SNTG2: variants seen among roughly 807,000 people sequenced by gnomAD.
SNTG2 encodes the protein gamma-2-syntrophin.
SNTG2 carries 74 observed loss-of-function variants against 70.9 expected under a neutral mutation model. That is an observed-to-expected ratio of 1.04 (90% CI 0.86 to 1.27). The LOEUF is 1.27. Ranked by LOEUF, SNTG2 falls within the 50% of genes most tolerant of loss-of-function variation. The pLI is 0.00. For missense variants in SNTG2, 717 were observed against 690.7 expected (o/e 1.04, Z -0.43); for synonymous variants, 278 against 273.8 (o/e 1.02, Z -0.15).
chr2:1,128,897 A>C (rs1667861771), intron 4 of SNTG2, among the ~76,000 whole-genome samples: 1 of 152,112 alleles, frequency 6.6e-6, no homozygotes. Context: ...TTTAAAAATG[A>C]AATCTGCATT....
chr2:1,045,050 AAT>A (rs1661654925), intron 1 of SNTG2, among the ~76,000 whole-genome samples: 1 of 151,758 alleles, frequency 6.6e-6, no homozygotes, highest in Admixed American at 6.6e-5. Context: ...GTTAATTATT[AAT>A]AAGAATTCAA....
intron 12 of SNTG2, chr2:1,256,313 CA>C (rs1304386281): frequency 6.6e-6 from 1 of 152,090 alleles, no homozygotes; most frequent in African/African-American, 2.4e-5. Context: ...GACACACACG[CA>C]CACACATTTG....
chr2:1,120,301 GA>G (rs1667300173), intron 4 of SNTG2, among the ~76,000 whole-genome samples: 1 of 151,902 alleles, frequency 6.6e-6, no homozygotes, highest in Non-Finnish European at 1.5e-5. Context: ...TTACAAACAA[GA>G]AAATAAGAGA....
At chr2:973,543 T>A (rs902521075) in intron 1 of SNTG2, among the ~76,000 whole-genome samples, 10 of 151,520 alleles carry the variant, frequency 6.6e-5, no homozygotes, top group African/African-American at 2.2e-4. Context: ...TATATATATT[T>A]TTTTTTACTT....
intron 1 of SNTG2, among the ~76,000 whole-genome samples, chr2:1,021,937 T>TTTTTTC: frequency 1.1e-4 from 1 of 9,476 alleles, no homozygotes; most frequent in Non-Finnish European, 3.3e-4. Flanking sequence ...TTTTATGTGC[T>TTTTTTC]TTTTTTTTTT....
rs28643349 is a variant in SNTG2, at chr2:1,203,714, A to G, written c.592-5389A>G. 8.9e-3 allele frequency among the ~76,000 whole-genome samples: 1,281 copies of G among 143,550 alleles called. 13 individuals carry two copies. The highest frequency in any genetic ancestry group is 0.03 in the African/African-American group (1,152 of 38,678). 94.2% of individuals were successfully genotyped at this position (143,550 alleles called of 152,430 possible). ...TATGTGTGTGTGTGTGTGTGTGTGT[A>G]TGTGTGTATATGTATATGTATATAT... On this transcript the variant is annotated intron_variant, in intron 8 of 16. Coordinates refer to ENST00000308624, the MANE Select transcript of SNTG2 (RefSeq NM_018968.4).
At chr2:1,251,608 GCACACACCACA>G (rs1411656414) in intron 12 of SNTG2, among the ~76,000 whole-genome samples, 1 of 122,410 alleles carries the variant, frequency 8.2e-6, no homozygotes, top group African/African-American at 3.3e-5. Context: ...CCACACTCAT[GCACACACCACA>G]CACACCGCAC....
At chr2:1,005,054 G>T (rs554261355) in intron 1 of SNTG2, among the ~76,000 whole-genome samples, 2 of 152,260 alleles carry the variant, frequency 1.3e-5, no homozygotes, top group African/African-American at 2.4e-5. Flanking sequence ...AAATTTACAT[G>T]CAAATTACTA....
intron 1 of SNTG2, among the ~76,000 whole-genome samples, chr2:1,026,952 G>A (rs769379874): frequency 9.2e-5 from 14 of 152,294 alleles, no homozygotes; most frequent in Non-Finnish European, 1.9e-4. Context: ...CTTAGTATCT[G>A]CATAGCAGAC....
intron 1 of SNTG2, among the ~76,000 whole-genome samples, chr2:956,939 A>T (rs1660182404): frequency 6.6e-6 from 1 of 152,246 alleles, no homozygotes; most frequent in African/African-American, 2.4e-5. Context: ...ACATCAGCAT[A>T]AGTTTAATGG....
chr2:1,030,972 G>A (rs1479284501), intron 1 of SNTG2, among the ~76,000 whole-genome samples: 1 of 152,134 alleles, frequency 6.6e-6, no homozygotes, highest in Non-Finnish European at 1.5e-5. Context: ...TATTCTTTAA[G>A]CAAGTGGTAG....
At chr2:1,095,109 A>G (rs997430953) in intron 2 of SNTG2, among the ~76,000 whole-genome samples, 2 of 152,140 alleles carry the variant, frequency 1.3e-5, no homozygotes, top group African/African-American at 4.8e-5. Flanking sequence ...AGAGAGAGAG[A>G]GAGCGCTGTA....
chr2:1,226,347 C>T (rs893718470), intron 9 of SNTG2, among the ~76,000 whole-genome samples: 3 of 152,188 alleles, frequency 2.0e-5, no homozygotes, highest in East Asian at 3.8e-4. Context: ...ATGTACATGG[C>T]GCCCATTCTG....
At chr2:1,328,793 A>G (rs994458068) in intron 16 of SNTG2, among the ~76,000 whole-genome samples, 2 of 152,152 alleles carry the variant, frequency 1.3e-5, no homozygotes, top group Admixed American at 1.3e-4. Context: ...AAACGTGTGT[A>G]TCCACACACA....
intron 14 of SNTG2, among the ~76,000 whole-genome samples, chr2:1,275,882 A>G (rs1679245391): frequency 6.6e-6 from 1 of 152,216 alleles, no homozygotes; most frequent in Non-Finnish European, 1.5e-5. Flanking sequence ...ACTCATGAAT[A>G]ATAAGAAAGC....
chr2:958,341 C>T (rs1660240450), intron 1 of SNTG2, among the ~76,000 whole-genome samples: 3 of 152,150 alleles, frequency 2.0e-5, no homozygotes, highest in Admixed American at 6.5e-5. Flanking sequence ...CTGAGGTTGT[C>T]ATACAAAATG....
intron 14 of SNTG2, among the ~76,000 whole-genome samples, chr2:1,272,463 TAAAAAAAAAAA>T (rs577563977): frequency 1.9e-5 from 1 of 51,894 alleles, no homozygotes; most frequent in African/African-American, 9.4e-5. Flanking sequence ...CTGGTACTGG[TAAAAAAAAAAA>T]AAAAAAAAAA....
At chr2:1,204,537 A>G (rs796502990) in intron 8 of SNTG2, among the ~76,000 whole-genome samples, 2 of 152,218 alleles carry the variant, frequency 1.3e-5, no homozygotes, top group Admixed American at 1.3e-4. Flanking sequence ...AGAAATAAAC[A>G]ATCATAAGTT....
At chr2:1,212,056 T>C (rs1674081804) in intron 9 of SNTG2, among the ~76,000 whole-genome samples, 1 of 152,158 alleles carries the variant, frequency 6.6e-6, no homozygotes, top group Non-Finnish European at 1.5e-5. Context: ...TTACAAAAGC[T>C]ATCACACACT....
Sources: gnomAD v4.1 joint callset for allele counts (sites outside exome capture counted in the v4.1 genomes callset) on GRCh38, gnomAD v4.1.1 for gene constraint, MANE v1.5 for transcripts, NCBI Gene and HGNC (gene_info 2026-07-23, HGNC 2026-07-21) for gene names.